The following MED13 variants were observed in gnomAD, a reference collection of about 807,000 sequenced individuals.
The protein encoded by MED13 is mediator of RNA polymerase II transcription subunit 13.
MED13 carries 23 observed loss-of-function variants against 225.2 expected under a neutral mutation model. The observed-to-expected ratio is 0.10, with a 90% CI of 0.07 to 0.14. The LOEUF is 0.14. Ranked by LOEUF, MED13 falls within the 10% of genes least tolerant of loss-of-function variation. MED13 has a pLI of 1.00. For synonymous variants in MED13, 942 were observed against 889.2 expected (o/e 1.06, Z -1.06); for missense variants, 2,197 against 2,594.5 (o/e 0.85, Z 3.33).
intron 23 of MED13, among the ~76,000 whole-genome samples, chr17:61,960,567 T>C (rs1290012482): frequency 6.6e-6 from 1 of 152,226 alleles, no homozygotes; most frequent in African/African-American, 2.4e-5. Flanking sequence ...GATACTTTAC[T>C]AGACCATTTT....
At chr17:61,972,063 T>C (rs2080114942) in intron 17 of MED13, among the ~76,000 whole-genome samples, 1 of 152,156 alleles carries the variant, frequency 6.6e-6, no homozygotes, top group Non-Finnish European at 1.5e-5. Context: ...AAAAGGAAAA[T>C]ATAGGCAAAT....
Position 61,966,594 on chromosome 17 carries a change from T to C in MED13, c.4249A>G (p.Arg1417Gly). 6.2e-7 allele frequency: 1 copy of C among 1,613,868 alleles called. No homozygotes were observed. The highest frequency in any genetic ancestry group is 8.5e-7 in the Non-Finnish European group (1 of 1,179,878). ...TTCTTTGATGCAGTAGATCCAACTC[T>C]CATGATCCCATCTGTTAACAGTCGA... ...VSRLLTDGIM[R>G]VGSTASKKLS... Residue 1417 changes from arginine (R) to glycine (G), a missense_variant, in exon 19 of 30, where the codon AGA (arginine) becomes GGA (glycine). Physicochemically the swap from Arg to Gly is moderately radical, Grantham distance 125. Around this residue, in one of 12 missense-constraint regions of MED13, gnomAD observed 457 missense variants for 442.2 expected, o/e 1.03. Transcript: ENST00000397786.
At chr17:61,977,323 A>C (rs114645436) in intron 16 of MED13, among the ~76,000 whole-genome samples, 197 of 152,350 alleles carry the variant, frequency 1.3e-3, no homozygotes, top group African/African-American at 4.5e-3. Context: ...TATCCACATA[A>C]ATATCTGGAA....
At chr17:61,957,853 G>A (rs368236903) in intron 23 of MED13, among the ~76,000 whole-genome samples, 2 of 152,138 alleles carry the variant, frequency 1.3e-5, no homozygotes, top group East Asian at 1.9e-4. Context: ...CTTTGGCTGA[G>A]CAACAGTGGC....
At chr17:61,971,143 T>C (rs1284375082) in intron 17 of MED13, among the ~76,000 whole-genome samples, 1 of 152,088 alleles carries the variant, frequency 6.6e-6, no homozygotes, top group African/African-American at 2.4e-5. Context: ...AACACTGCAC[T>C]GGTAAAATAT....
In MED13 at chr17:61,961,031, T is replaced by C. The variant is rs556619376; in HGVS notation, c.5316A>G (p.Lys1772=). 5.0e-6 allele frequency: 8 copies of C among 1,614,034 alleles called. No individual in the cohort carries two copies. In the South Asian group the frequency reaches 8.8e-5, roughly 18 times the overall value. ...PPFILAPVKD[K]QTELGETFGE... ...CAAATGTTTCTCCTAGCTCTGTCTG[T>C]TTGTCCTTCACTGGAGCCAGAATAA... The change falls in exon 23 of 30, where the codon AAA becomes AAG. Residue 1772 remains lysine, a synonymous_variant. Transcript: ENST00000397786.
intron 2 of MED13, among the ~76,000 whole-genome samples, chr17:62,062,139 A>C (rs4968470): frequency 6.6e-6 from 1 of 151,952 alleles, no homozygotes; most frequent in African/African-American, 2.4e-5. Flanking sequence ...ATAAGAACTT[A>C]AAAAAAATTA....
chr17:61,978,568 C>G (rs1232745396), intron 16 of MED13, among the ~76,000 whole-genome samples: 2 of 152,202 alleles, frequency 1.3e-5, no homozygotes, highest in East Asian at 3.9e-4. Flanking sequence ...TCTCTCAATA[C>G]CCTGTAAAGT....
intron 9 of MED13, chr17:62,005,777 G>C (rs1680504010): frequency 6.6e-6 from 1 of 152,162 alleles, no homozygotes; most frequent in Non-Finnish European, 1.5e-5. Context: ...GAGTACAGTG[G>C]CTATTCACAG....
chr17:61,967,901 GCTAGTATGA>G lies in MED13; in HGVS notation c.4191+125_4191+133del, dbSNP rs1603393523. The G allele has an allele frequency of 3.2e-5, 22 of 683,782 alleles. 1 individual carries two copies. In the East Asian group the frequency reaches 6.1e-4, roughly 19 times the overall value. 42.4% of individuals were successfully genotyped at this position (683,782 alleles called of 1,614,324 possible). ...TCAAACTCAGCAAAGAATGTAACTGGCTAGTATGAGAAATAAACATCTAATCTGACATCA... is the reference window on the plus strand; with the variant it reads ...TCAAACTCAGCAAAGAATGTAACTGGGAAATAAACATCTAATCTGACATCA... On this transcript the variant is annotated intron_variant, in intron 18 of 29. Coordinates refer to ENST00000397786, the MANE Select transcript of MED13 (RefSeq NM_005121.3).
intron 3 of MED13, among the ~76,000 whole-genome samples, chr17:62,049,314 T>C (rs576917246): frequency 2.0e-5 from 3 of 152,278 alleles, no homozygotes; most frequent in Admixed American, 6.5e-5. Context: ...ATACTTCTAA[T>C]AGATAGTCTA....
At chr17:62,011,435 A>T (rs1463032974) in intron 8 of MED13, among the ~76,000 whole-genome samples, 2 of 152,192 alleles carry the variant, frequency 1.3e-5, no homozygotes, top group Admixed American at 6.5e-5. Flanking sequence ...AAACATTCAT[A>T]AAAGCCAATT....
rs112670974 is a variant in MED13 at position 62,058,437 on chromosome 17, C to T, written c.301+4630G>A. 8.7e-4 allele frequency among the ~76,000 whole-genome samples: 130 copies of T among 148,886 alleles called. 1 individual carries two copies. Among genetic ancestry groups the T allele is most frequent in the African/African-American group, 3.1e-3 (124 of 40,496 alleles). On this transcript the variant is annotated intron_variant, in intron 2 of 29. Coordinates refer to ENST00000397786, the MANE Select transcript of MED13 (RefSeq NM_005121.3). ...TCGGGAGGCTGAGGCAGAAGGATCG[C>T]TTGAACCTGGGAGGCGGAGGTCGCA...
At chr17:62,025,613 T>C (rs1372277971) in intron 8 of MED13, among the ~76,000 whole-genome samples, 1 of 150,854 alleles carries the variant, frequency 6.6e-6, no homozygotes, top group Non-Finnish European at 1.5e-5. Flanking sequence ...GAGGTTGCAG[T>C]GAGCCGAGAT....
intron 5 of MED13, 116 bp downstream of exon 5, chr17:62,033,671 T>C (rs1228083628): frequency 4.2e-6 from 4 of 959,498 alleles, no homozygotes; most frequent in Admixed American, 2.6e-5. Context: ...AATTAAGGAA[T>C]AAATCTTTGG....
chr17:62,060,622 G>A (rs1262634381), intron 2 of MED13, among the ~76,000 whole-genome samples: 4 of 148,048 alleles, frequency 2.7e-5, no homozygotes, highest in African/African-American at 5.0e-5. Flanking sequence ...TCCAGCCCGC[G>A]GGACAGAATG....
chr17:61,963,513 C>T (rs2080025879), intron 20 of MED13, among the ~76,000 whole-genome samples: 1 of 152,002 alleles, frequency 6.6e-6, no homozygotes, highest in Non-Finnish European at 1.5e-5. Flanking sequence ...ACTATGTTGA[C>T]CAGGTTGGTC....
intron 28 of MED13, among the ~76,000 whole-genome samples, chr17:61,948,819 G>T (rs2079872301): frequency 6.6e-6 from 1 of 150,940 alleles, no homozygotes; most frequent in Non-Finnish European, 1.5e-5. Flanking sequence ...GGGCGCGGTG[G>T]CTCACGCCTG....
chr17:61,955,202 C>A (rs1482022838), intron 26 of MED13, 180 bp downstream of exon 26: 1 of 446,864 alleles, frequency 2.2e-6, no homozygotes, highest in Non-Finnish European at 3.9e-6. Flanking sequence ...CACATGTTAT[C>A]GCATTAAGGG....
Sources: allele counts gnomAD v4.1 joint callset (sites outside exome capture counted in the v4.1 genomes callset), GRCh38; gene constraint gnomAD v4.1.1; regional missense constraint gnomAD v4.1.1; transcripts MANE v1.5; gene names NCBI Gene and HGNC (gene_info 2026-07-23, HGNC 2026-07-21).